Variants in COX7B2 observed in about 807,000 individuals in gnomAD.
COX7B2 encodes cytochrome c oxidase subunit 7B2.
For synonymous variants in COX7B2, 37 were observed against 32.1 expected, an observed-to-expected ratio of 1.15 and a Z score of -0.51; for missense variants, 109 against 95.9, an observed-to-expected ratio of 1.14 and a Z score of -0.57.
chr4:46,768,739 A>G (rs1383728633), intron 2 of COX7B2, among the ~76,000 whole-genome samples: 1 of 152,186 alleles, frequency 6.6e-6, no homozygotes, highest in African/African-American at 2.4e-5. Context: ...TAAAGATGAA[A>G]GAATCAAAAA....
chr4:46,763,181 C>T (rs11939562), intron 2 of COX7B2, among the ~76,000 whole-genome samples: 41,305 of 128,768 alleles, frequency 0.32, 6,710 homozygotes, highest in South Asian at 0.48. Flanking sequence ...TATTTATATA[C>T]TGTAAATATA....
chr4:46,809,212 A>G (rs1212520415), intron 2 of COX7B2, among the ~76,000 whole-genome samples: 2 of 151,756 alleles, frequency 1.3e-5, no homozygotes, highest in African/African-American at 4.8e-5. Context: ...TTTTATGATT[A>G]GACAACTCTT....
chr4:46,780,833 C>A (rs987586577), intron 2 of COX7B2, among the ~76,000 whole-genome samples: 2 of 152,174 alleles, frequency 1.3e-5, no homozygotes, highest in African/African-American at 4.8e-5. Flanking sequence ...TTGCTCCATA[C>A]TCATCATCTC....
chr4:46,841,571 C>T (rs1715930695), intron 2 of COX7B2, among the ~76,000 whole-genome samples: 2 of 151,870 alleles, frequency 1.3e-5, no homozygotes, highest in Admixed American at 1.3e-4. Flanking sequence ...AATGCCTATA[C>T]ATCTGACCCA....
chr4:46,779,878 A>G (rs939693403), intron 2 of COX7B2, among the ~76,000 whole-genome samples: 7 of 152,322 alleles, frequency 4.6e-5, no homozygotes, highest in African/African-American at 1.7e-4. Context: ...AGTTGTATTA[A>G]TAATTATGTG....
chr4:46,780,887 C>G (rs553696589), intron 2 of COX7B2, among the ~76,000 whole-genome samples: 1 of 152,154 alleles, frequency 6.6e-6, no homozygotes, highest in African/African-American at 2.4e-5. Context: ...CTTCACAAAA[C>G]GAAGTCATTT....
In COX7B2 at chr4:46,757,547, T is replaced by C. The variant is rs140640230; in HGVS notation, c.-49-22306A>G. ...TGCCCTTTTGCAAGCCAAAGATCTT[T>C]ACCAATTTGTCTTACTTCTACAAAA... On this transcript the variant is annotated intron_variant, in intron 2 of 2. Transcript: ENST00000355591. 1.9e-3 allele frequency among the ~76,000 whole-genome samples: 285 copies of C among 152,220 alleles called. 1 individual carries two copies. Among genetic ancestry groups the C allele is most frequent in the African/African-American group, 6.5e-3 (268 of 41,544 alleles).
chr4:46,908,765 G>A (rs1720561051), intron 1 of COX7B2, among the ~76,000 whole-genome samples: 1 of 114,514 alleles, frequency 8.7e-6, no homozygotes, highest in African/African-American at 3.1e-5. Flanking sequence ...AATCTGGCCG[G>A]GCGCAGTGGC....
At chr4:46,793,295 G>A (rs1466329236) in intron 2 of COX7B2, among the ~76,000 whole-genome samples, 1 of 152,116 alleles carries the variant, frequency 6.6e-6, no homozygotes, top group East Asian at 1.9e-4. Context: ...TTCCCGGCTG[G>A]ATGGGGGTTA....
At chr4:46,897,771 A>C (rs1719848253) in intron 1 of COX7B2, among the ~76,000 whole-genome samples, 1 of 152,182 alleles carries the variant, frequency 6.6e-6, no homozygotes, top group Non-Finnish European at 1.5e-5. Context: ...TTACATGGAC[A>C]CAAGAGATCA....
chr4:46,772,585 C>A (rs185529119), intron 2 of COX7B2, among the ~76,000 whole-genome samples: 4 of 151,770 alleles, frequency 2.6e-5, no homozygotes, highest in African/African-American at 9.7e-5. Context: ...CTTATGTATA[C>A]CTCATTAAAG....
At chr4:46,739,126 G>A (rs1016942984) in intron 2 of COX7B2, among the ~76,000 whole-genome samples, 3 of 152,088 alleles carry the variant, frequency 2.0e-5, no homozygotes, top group Non-Finnish European at 4.4e-5. Flanking sequence ...GTATATACCT[G>A]TGTGTTAAGA....
At chr4:46,750,211 C>CAA (rs1390065257) in intron 2 of COX7B2, among the ~76,000 whole-genome samples, 12 of 149,230 alleles carry the variant, frequency 8.0e-5, no homozygotes, top group African/African-American at 3.0e-4. Flanking sequence ...CACACACACA[C>CAA]ACACACACAC....
At chr4:46,885,340 G>T (rs1190458824) in intron 1 of COX7B2, among the ~76,000 whole-genome samples, 1 of 152,124 alleles carries the variant, frequency 6.6e-6, no homozygotes, top group Non-Finnish European at 1.5e-5. Context: ...ATAAAGCTGT[G>T]TAGTAGGTAA....
Position 46,772,204 on chromosome 4 carries a change from A to G in COX7B2, c.-49-36963T>C, listed in dbSNP as rs146776276. 7.2e-5 allele frequency among the ~76,000 whole-genome samples: 11 copies of G among 152,302 alleles called. No individual in the cohort carries two copies. In the East Asian group the frequency reaches 1.7e-3, roughly 24 times the overall value. On this transcript the variant is annotated intron_variant, in intron 2 of 2. Transcript: ENST00000355591. ...ATAAACCAGGCACAGAAAGACAAAT[A>G]CAATACTGGTTAATCTCACTTATAT... is the stretch of plus-strand genomic sequence containing the variant.
intron 2 of COX7B2, among the ~76,000 whole-genome samples, chr4:46,755,164 T>G (rs1189924343): frequency 6.6e-6 from 1 of 151,948 alleles, no homozygotes; most frequent in Non-Finnish European, 1.5e-5. Flanking sequence ...GTACATCACA[T>G]AAACAGAATT....
chr4:46,895,409 G>A (rs1719697754), intron 1 of COX7B2, among the ~76,000 whole-genome samples: 1 of 152,102 alleles, frequency 6.6e-6, no homozygotes, highest in African/African-American at 2.4e-5. Context: ...AATACCACAT[G>A]TTCTCACTCA....
intron 2 of COX7B2, among the ~76,000 whole-genome samples, chr4:46,791,818 T>C (rs539540777): frequency 1.5e-4 from 23 of 152,362 alleles, no homozygotes; most frequent in African/African-American, 4.6e-4. Flanking sequence ...AGGATCCCTG[T>C]ATCTGTTGAT....
At chr4:46,777,334 A>C (rs756596758) in intron 2 of COX7B2, among the ~76,000 whole-genome samples, 14 of 152,086 alleles carry the variant, frequency 9.2e-5, no homozygotes, top group Non-Finnish European at 1.5e-4. Context: ...TTTATCAAAG[A>C]GCAGATAAGT....
Sources: allele counts gnomAD v4.1 joint callset (sites outside exome capture counted in the v4.1 genomes callset), GRCh38; gene constraint gnomAD v4.1.1; transcripts MANE v1.5; gene names NCBI Gene and HGNC (gene_info 2026-07-23, HGNC 2026-07-21).